CFAP99: variants seen among roughly 807,000 people sequenced by gnomAD.
CFAP99 encodes the protein cilia and flagella associated protein 99.
CFAP99 carries 84 observed loss-of-function variants against 82.7 expected under a neutral mutation model. That is an observed-to-expected ratio of 1.02 (90% CI 0.85 to 1.22). The LOEUF (loss-of-function observed/expected upper bound fraction) is 1.22. CFAP99 is among the 50% of genes most tolerant of loss of function. CFAP99 has a pLI of 0.00. For synonymous variants in CFAP99, 456 were observed against 429.5 expected, an observed-to-expected ratio of 1.06 and a Z score of -0.76; for missense variants, 1,059 against 983.5, an observed-to-expected ratio of 1.08 and a Z score of -1.03.
chr4:2,431,722 A>T (rs1290899648), intron 2 of CFAP99, among the ~76,000 whole-genome samples: 1 of 146,922 alleles, frequency 6.8e-6, no homozygotes, highest in South Asian at 2.2e-4. Context: ...CCCGTCAAAT[A>T]GGTGGGAAAA....
chr4:2,458,848 G>C, exon 12 of CFAP99: 1 of 1,535,368 alleles, frequency 6.5e-7, no homozygotes, highest in South Asian at 1.2e-5. Context: ...AGCTCGCGAA[G>C]GGCCGACAGC....
At chr4:2,459,775 C>T (rs755116441) in intron 13 of CFAP99, among the ~76,000 whole-genome samples, 11 of 152,320 alleles carry the variant, frequency 7.2e-5, no homozygotes, top group Non-Finnish European at 1.3e-4. Flanking sequence ...CGAAGCCTGG[C>T]TGGGGAGATA....
rs1734495485 is a variant in CFAP99 at position 2,458,719 on chromosome 4, G to A, written c.1162-4G>A. 6.5e-7 allele frequency: 1 copy of A among 1,532,316 alleles called. No homozygotes were observed. The highest frequency in any genetic ancestry group is 1.2e-5 in the South Asian group (1 of 83,750). The allele number at this position is 1,532,316 out of a possible 1,614,324, so 94.9% of individuals were successfully genotyped here. A position where few individuals can be genotyped will look rare whatever the true frequency, so the allele number is the denominator to read the frequency against. On this transcript the variant is annotated splice_polypyrimidine_tract_variant and splice_region_variant and intron_variant, in intron 11 of 14. Coordinates refer to ENST00000635017, the Ensembl canonical transcript of CFAP99. ...TCACCGTGGCAGGTCCGCTGTCTGG[G>A]CAGATGGCCAAGCTGATGCTGCAGC...
chr4:2,440,578 C>T (rs960298132), intron 4 of CFAP99, among the ~76,000 whole-genome samples: 6 of 151,762 alleles, frequency 4.0e-5, no homozygotes, highest in African/African-American at 1.5e-4. Context: ...AGAGCAAAAC[C>T]CCATCTCTAC....
At chr4:2,426,881 C>T (rs766695560) in intron 2 of CFAP99, 1 of 340,340 alleles carries the variant, frequency 2.9e-6, no homozygotes, top group African/African-American at 2.1e-5. Flanking sequence ...CTGGAGCGCC[C>T]CCATGCCCCA....
Position 2,462,241 on chromosome 4 carries a change from C to G in CFAP99, c.1662-202C>G. 2.2e-6 allele frequency: 1 copy of G among 450,528 alleles called. No homozygotes were observed. Among genetic ancestry groups the G allele is most frequent in the East Asian group, 3.6e-5 (1 of 27,444 alleles). 27.9% of individuals were successfully genotyped at this position (450,528 alleles called of 1,614,324 possible). ...TAGATAGAAGTGCTGGAGACTCCCC[C>G]AACCCCTCCAGCCCCTGAGCGGTGG... On this transcript the variant is annotated intron_variant, in intron 14 of 14. Transcript: ENST00000635017. This position sits in a 1 kb window ranked among gnomAD's most constrained non-coding sequence, Gnocchi z 4.1.
intron 2 of CFAP99, 40 bp downstream of exon 2, chr4:2,426,626 G>C: frequency 7.7e-7 from 1 of 1,295,692 alleles, no homozygotes; most frequent in South Asian, 1.3e-5. Context: ...CACGCCAATG[G>C]CACCTGTTGT....
intron 1 of CFAP99, among the ~76,000 whole-genome samples, chr4:2,419,609 C>A (rs1029096490): frequency 6.6e-6 from 1 of 152,154 alleles, no homozygotes; most frequent in Non-Finnish European, 1.5e-5. Context: ...GTCATGCCCC[C>A]CTCGGTTCAG....
At chr4:2,452,820 T>C (rs1395949423) in intron 11 of CFAP99, among the ~76,000 whole-genome samples, 1 of 152,142 alleles carries the variant, frequency 6.6e-6, no homozygotes, top group Non-Finnish European at 1.5e-5. Context: ...CCCAGCACTT[T>C]AGGAGGCCAA....
intron 6 of CFAP99, among the ~76,000 whole-genome samples, chr4:2,449,062 G>T (rs1433627126): frequency 6.6e-6 from 1 of 152,152 alleles, no homozygotes; most frequent in Admixed American, 6.5e-5. Context: ...ATGACTGTTA[G>T]ATGTGCAGGG....
At chr4:2,442,176 G>A (rs1734057632) in intron 4 of CFAP99, among the ~76,000 whole-genome samples, 1 of 152,158 alleles carries the variant, frequency 6.6e-6, no homozygotes, top group South Asian at 2.1e-4. Context: ...GGATTGGGTG[G>A]GGGCAGGGAC....
intron 5 of CFAP99, among the ~76,000 whole-genome samples, chr4:2,444,642 T>C (rs1002501662): frequency 6.6e-6 from 1 of 152,068 alleles, no homozygotes; most frequent in African/African-American, 2.4e-5. Context: ...ACCCAGAGGC[T>C]GTACCAAGGA....
intron 9 of CFAP99, 57 bp downstream of exon 9, chr4:2,451,075 C>T: frequency 6.6e-7 from 1 of 1,504,200 alleles, no homozygotes. Context: ...CCCCTCCAGA[C>T]CTTTTCTGCC....
At chr4:2,436,781 C>A in intron 2 of CFAP99, 93 bp from the exon 3 acceptor site, 1 of 1,070,628 alleles carries the variant, frequency 9.3e-7, no homozygotes, top group Non-Finnish European at 1.4e-6. Context: ...CCCGGGGCCG[C>A]TCCACCCCTG....
chr4:2,445,204 A>AC lies in CFAP99; in HGVS notation c.540dup (p.Lys181GlnfsTer109). 1 of 1,459,344 alleles carries AC rather than the reference A, an allele frequency of 6.9e-7. No homozygotes were observed. Among genetic ancestry groups the AC allele is most frequent in the Non-Finnish European group, 9.0e-7 (1 of 1,109,190 alleles). The allele number at this position is 1,459,344 out of a possible 1,614,324, so 90.4% of individuals were successfully genotyped here. A position where few individuals can be genotyped will look rare whatever the true frequency, so the allele number is the denominator to read the frequency against. ...TGCCAGTCAATCCTCTCCTTTAAAG[A>AC]CCAAGGCCAAGGTCACAGAGCCCAA... On this transcript the variant is annotated frameshift_variant, in exon 6 of 15. Transcript: ENST00000635017. LOFTEE classifies it high-confidence loss of function.
chr4:2,458,904 T>C lies in CFAP99; in HGVS notation c.1303+40T>C, dbSNP rs982292631. The C allele has an allele frequency of 3.6e-5, 54 of 1,513,624 alleles. No individual in the cohort carries two copies. In the Admixed American group the frequency reaches 1.1e-3, roughly 30 times the overall value. 93.8% of individuals were successfully genotyped at this position (1,513,624 alleles called of 1,614,324 possible). ...GATGTCACTGGCCCTACCCCGCTCTTCCCCACTCGGGTGCTGGGCTGCCAC... is the reference window on the plus strand; with the variant it reads ...GATGTCACTGGCCCTACCCCGCTCTCCCCCACTCGGGTGCTGGGCTGCCAC... On this transcript the variant is annotated intron_variant, in intron 12 of 14. Transcript: ENST00000635017.
chr4:2,443,589 G>A (rs1193748158), intron 5 of CFAP99, among the ~76,000 whole-genome samples: 1 of 152,206 alleles, frequency 6.6e-6, no homozygotes, highest in Non-Finnish European at 1.5e-5. Context: ...TGCTGGCTGG[G>A]GCTGCGTCAG....
intron 11 of CFAP99, among the ~76,000 whole-genome samples, 197 bp downstream of exon 11, chr4:2,452,543 G>A (rs1309735474): frequency 2.6e-5 from 4 of 152,136 alleles, no homozygotes; most frequent in African/African-American, 7.2e-5. Context: ...TGTGTTCCCC[G>A]AGAGTGCCTG....
exon 11 of CFAP99, chr4:2,452,307 G>A (rs1734323470): frequency 1.3e-6 from 2 of 1,535,294 alleles, no homozygotes; most frequent in Admixed American, 2.0e-5. Flanking sequence ...AGAGCCTCAT[G>A]CAGGAGAACA....
Sources: allele counts gnomAD v4.1 joint callset (sites outside exome capture counted in the v4.1 genomes callset), GRCh38; gene constraint gnomAD v4.1.1; non-coding constraint Gnocchi (gnomAD v3.1); transcripts MANE v1.5; gene names NCBI Gene and HGNC (gene_info 2026-07-23, HGNC 2026-07-21).